AXDND1: variants seen among roughly 807,000 people sequenced by gnomAD.
The protein encoded by AXDND1 is axonemal dynein light chain domain-containing protein 1.
A neutral mutation model predicts 137.5 loss-of-function variants in AXDND1; 110 were observed. The ratio of observed to expected loss-of-function variants is 0.80; its 90% CI spans 0.69 to 0.94. The LOEUF is 0.94. AXDND1 is among the 40% of genes least tolerant of loss of function. The probability of loss-of-function intolerance (pLI) is 0.00; values close to 1 mark genes in which losing one functional copy is unlikely to be tolerated. For missense variants in AXDND1, 1,191 were observed against 1,169.8 expected, an observed-to-expected ratio of 1.02 and a Z score of -0.26; for synonymous variants, 414 against 399.7, an observed-to-expected ratio of 1.04 and a Z score of -0.43.
intron 20 of AXDND1, among the ~76,000 whole-genome samples, chr1:179,503,671 A>G (rs1315720744): frequency 6.6e-6 from 1 of 152,006 alleles, no homozygotes; most frequent in African/African-American, 2.4e-5. Context: ...GTCATTTAGC[A>G]TTAGGTATAT....
chr1:179,482,990 C>A, intron 17 of AXDND1, 138 bp from the exon 18 acceptor site: 2 of 509,996 alleles, frequency 3.9e-6, no homozygotes, highest in Non-Finnish European at 6.8e-6. Context: ...CTTTGATTCC[C>A]CTTTCCTCAG....
chr1:179,378,679 G>A lies in AXDND1; in HGVS notation c.417G>A (p.Gln139=). 2 of 1,598,706 alleles carry A rather than the reference G, an allele frequency of 1.3e-6. No homozygotes were observed. Among genetic ancestry groups the A allele is most frequent in the South Asian group, 2.3e-5 (2 of 88,346 alleles). ...ACGATGTAACATATGCCAAAGGACA[G>A]ACTAGGGAGAAGGCAGTTTGTCCCC... ...FLYDVTYAKG[Q]TREKAVCPPH... The change falls in exon 5 of 26, where the codon CAG becomes CAA. Residue 139 remains glutamine (Q), a synonymous_variant. Coordinates refer to ENST00000367618, the MANE Select transcript of AXDND1 (RefSeq NM_144696.6).
intron 16 of AXDND1, among the ~76,000 whole-genome samples, chr1:179,462,224 A>G (rs564830553): frequency 6.6e-6 from 1 of 152,326 alleles, no homozygotes; most frequent in Admixed American, 6.5e-5. Context: ...CATCCTATCA[A>G]TAGCTAGTTT....
intron 5 of AXDND1, 145 bp downstream of exon 5, chr1:179,378,902 T>C (rs1647755623): frequency 1.5e-6 from 1 of 652,166 alleles, no homozygotes; most frequent in African/African-American, 1.9e-5. Context: ...CATAGCATTT[T>C]CAAATTACTT....
chr1:179,471,940 A>T (rs1663990455), intron 17 of AXDND1, among the ~76,000 whole-genome samples: 1 of 151,122 alleles, frequency 6.6e-6, no homozygotes, highest in Non-Finnish European at 1.5e-5. Flanking sequence ...TGCCACCCAG[A>T]CTGGAGTGCA....
intron 16 of AXDND1, among the ~76,000 whole-genome samples, chr1:179,460,349 A>G (rs954217546): frequency 4.6e-5 from 7 of 152,134 alleles, no homozygotes; most frequent in Non-Finnish European, 8.8e-5. Context: ...AGCTTCATCC[A>G]TGTCCCTACA....
chr1:179,483,956 T>C (rs1483987660), intron 18 of AXDND1, among the ~76,000 whole-genome samples: 1 of 152,066 alleles, frequency 6.6e-6, no homozygotes, highest in Non-Finnish European at 1.5e-5. Flanking sequence ...GACTAGAAGA[T>C]TGGAAAGACT....
At chr1:179,541,018 C>T (rs1271126667) in intron 25 of AXDND1, among the ~76,000 whole-genome samples, 1 of 152,224 alleles carries the variant, frequency 6.6e-6, no homozygotes, top group African/African-American at 2.4e-5. Flanking sequence ...AGCGAACGCT[C>T]TTCCCCCGAC....
In AXDND1 at chr1:179,417,978, ATTT is replaced by A. The variant is rs1654956231; in HGVS notation, c.1230+6715_1230+6717del. 2.0e-5 allele frequency among the ~76,000 whole-genome samples: 3 copies of A among 148,070 alleles called. No homozygotes were observed. The South Asian group carries it at 6.3e-4, about 31-fold the overall frequency. On this transcript the variant is annotated intron_variant, in intron 12 of 25. Transcript: ENST00000367618. ...ATTGCTATTTTATTTTTATTTATTT[ATTT>A]TTATTTTATTTATTTATTTATTTTT...
intron 12 of AXDND1, among the ~76,000 whole-genome samples, chr1:179,421,500 C>G (rs919622198): frequency 1.3e-5 from 2 of 149,826 alleles, no homozygotes; most frequent in African/African-American, 2.5e-5. Flanking sequence ...TCTTGTGCCT[C>G]AGCCTCCTGA....
At chr1:179,438,160 GTAAA>G (rs913785216) in intron 15 of AXDND1, among the ~76,000 whole-genome samples, 1 of 36,150 alleles carries the variant, frequency 2.8e-5, no homozygotes, top group Non-Finnish European at 7.1e-5. Flanking sequence ...TCAAAAATAA[GTAAA>G]TAAATAAATA....
intron 20 of AXDND1, among the ~76,000 whole-genome samples, chr1:179,500,228 A>G (rs1667855841): frequency 6.6e-6 from 1 of 151,982 alleles, no homozygotes; most frequent in Non-Finnish European, 1.5e-5. Flanking sequence ...CAAGTTCGTA[A>G]TATAACATCT....
intron 9 of AXDND1, among the ~76,000 whole-genome samples, chr1:179,392,220 A>G (rs905230855): frequency 6.6e-6 from 1 of 152,242 alleles, no homozygotes; most frequent in African/African-American, 2.4e-5. Context: ...GTGAGAACAT[A>G]CAATATTTGG....
intron 22 of AXDND1, among the ~76,000 whole-genome samples, chr1:179,527,929 T>G (rs964984): frequency 0.32 from 48,313 of 152,002 alleles, 8,330 homozygotes; most frequent in Middle Eastern, 0.43. Flanking sequence ...AAATATCACT[T>G]TCTCTGTTAA....
At chr1:179,427,282 T>G (rs1311094968) in intron 12 of AXDND1, among the ~76,000 whole-genome samples, 4 of 152,204 alleles carry the variant, frequency 2.6e-5, no homozygotes, top group Non-Finnish European at 4.4e-5. Flanking sequence ...TACCTTTGGT[T>G]AGTTGAATGT....
chr1:179,435,628 C>G (rs542788300), intron 15 of AXDND1, among the ~76,000 whole-genome samples: 1 of 152,268 alleles, frequency 6.6e-6, no homozygotes. Context: ...GCTAGGAAAA[C>G]TGGCTAGTCA....
At chr1:179,430,353 C>A in intron 13 of AXDND1, 99 bp from the exon 14 acceptor site, 1 of 889,166 alleles carries the variant, frequency 1.1e-6, no homozygotes, top group Non-Finnish European at 1.6e-6. Context: ...CTATGAATTT[C>A]TCTAGTATTA....
At chr1:179,370,158 G>A in intron 4 of AXDND1, 80 bp downstream of exon 4, 2 of 1,116,492 alleles carry the variant, frequency 1.8e-6, no homozygotes, top group Admixed American at 2.1e-5. Context: ...GGGAGGGGCA[G>A]AATTAGAAAA....
intron 18 of AXDND1, among the ~76,000 whole-genome samples, 178 bp from the exon 19 acceptor site, chr1:179,491,360 T>G (rs1666877518): frequency 6.6e-6 from 1 of 152,104 alleles, no homozygotes; most frequent in Non-Finnish European, 1.5e-5. Flanking sequence ...AGTAGCTTAG[T>G]GTCATGTAGT....
Sources: allele counts gnomAD v4.1 joint callset (sites outside exome capture counted in the v4.1 genomes callset), GRCh38; gene constraint gnomAD v4.1.1; transcripts MANE v1.5; gene names NCBI Gene and HGNC (gene_info 2026-07-23, HGNC 2026-07-21).